LINGO2: variants seen among roughly 807,000 people sequenced by gnomAD.
The protein encoded by LINGO2 is leucine-rich repeat and immunoglobulin-like domain-containing nogo receptor-interacting protein 2.
LINGO2 carries 14 observed loss-of-function variants against 30.6 expected under a neutral mutation model. The observed-to-expected ratio is 0.46, with a 90% CI of 0.30 to 0.72. The LOEUF (loss-of-function observed/expected upper bound fraction) is 0.72, where lower values mean the gene tolerates loss of function less well. Among genes scored for constraint, LINGO2 ranks in the 30% least tolerant of loss-of-function variants. LINGO2 has a pLI of 0.07. For synonymous variants in LINGO2, 317 were observed against 288.5 expected (o/e 1.10, Z -1.00); for missense variants, 729 against 751.7 (o/e 0.97, Z 0.35).
chr9:28,189,649 GAGGAAGGA>G (rs1453477227), intron 4 of LINGO2, among the ~76,000 whole-genome samples: 1 of 5,268 alleles, frequency 1.9e-4, no homozygotes, highest in Non-Finnish European at 4.2e-4. Context: ...GGAAGGGAGG[GAGGAAGGA>G]AGGAAGGAAG....
the LINGO2 span, among the ~76,000 whole-genome samples, chr9:28,704,807 T>G: frequency 1.3e-5 from 2 of 152,120 alleles, no homozygotes; most frequent in Admixed American, 6.6e-5. Flanking sequence ...TTCTTGCATA[T>G]TGTCTTAATG....
chr9:29,101,792 T>G, the LINGO2 span, among the ~76,000 whole-genome samples: 1 of 152,202 alleles, frequency 6.6e-6, no homozygotes, highest in Non-Finnish European at 1.5e-5. Flanking sequence ...GTGCCACATT[T>G]TCTTTATCCA....
chr9:29,145,719 A>G, the LINGO2 span, among the ~76,000 whole-genome samples: 3 of 152,174 alleles, frequency 2.0e-5, no homozygotes, highest in Admixed American at 1.3e-4. Context: ...TTTAATATAA[A>G]GAGTAAGCAT....
intron 4 of LINGO2, among the ~76,000 whole-genome samples, chr9:28,190,580 C>G (rs932438187): frequency 2.0e-5 from 3 of 152,162 alleles, no homozygotes; most frequent in Non-Finnish European, 4.4e-5. Context: ...AGAGGACAGT[C>G]ATCTATGAAT....
At chr9:29,098,121 G>A in the LINGO2 span, among the ~76,000 whole-genome samples, 1 of 152,098 alleles carries the variant, frequency 6.6e-6, no homozygotes, top group Non-Finnish European at 1.5e-5. Flanking sequence ...TAGCATAGTT[G>A]CAGGGTACAA....
intron 4 of LINGO2, among the ~76,000 whole-genome samples, chr9:28,046,480 C>T (rs980226390): frequency 3.3e-5 from 5 of 152,144 alleles, no homozygotes; most frequent in African/African-American, 7.2e-5. Flanking sequence ...CTTTAAGAAC[C>T]TATAATTTAA....
At chr9:28,848,403 A>ACTG in the LINGO2 span, among the ~76,000 whole-genome samples, 1 of 62,164 alleles carries the variant, frequency 1.6e-5, no homozygotes, top group African/African-American at 5.3e-5. Context: ...GTGTGTATAT[A>ACTG]TATATATATA....
the LINGO2 span, among the ~76,000 whole-genome samples, chr9:28,779,989 T>G: frequency 6.6e-6 from 1 of 152,220 alleles, no homozygotes; most frequent in South Asian, 2.1e-4. Flanking sequence ...TCTACACCAC[T>G]AAAGTTAAAA....
chr9:28,341,065 A>G (rs1825750115), intron 3 of LINGO2, among the ~76,000 whole-genome samples: 1 of 152,120 alleles, frequency 6.6e-6, no homozygotes, highest in Admixed American at 6.6e-5. Flanking sequence ...GTTTTTCTTT[A>G]CATACTGTTA....
At chr9:28,904,263 T>C in the LINGO2 span, among the ~76,000 whole-genome samples, 85 of 151,998 alleles carry the variant, frequency 5.6e-4, 1 homozygote, top group African/African-American at 2.0e-3. Flanking sequence ...AACATAACAC[T>C]TAATGTTGAA....
chr9:28,581,608 T>G (rs909119316), intron 1 of LINGO2, among the ~76,000 whole-genome samples: 2 of 151,730 alleles, frequency 1.3e-5, no homozygotes, highest in Non-Finnish European at 2.9e-5. Context: ...GTCAATTATT[T>G]ATGTCATTTC....
Position 28,148,004 on chromosome 9 carries a change from A to G in LINGO2, c.-86-135599T>C, listed in dbSNP as rs1827864387. Among the ~76,000 whole-genome samples, 1 of 152,098 alleles carries G rather than the reference A, an allele frequency of 6.6e-6. No homozygotes were observed. Among genetic ancestry groups the G allele is most frequent in the Admixed American group, 6.5e-5 (1 of 15,278 alleles). The stretch of plus-strand genomic sequence containing the variant: ...ACTCAAAATGGGCAACTCATTAAGC[A>G]TATTTTGTTCCTGGTTCCGCCACAG... On this transcript the variant is annotated intron_variant, in intron 4 of 5. Transcript: ENST00000379992. This position sits in a 1 kb window ranked among gnomAD's most constrained non-coding sequence, Gnocchi z 5.1.
At chr9:28,927,912 A>C in the LINGO2 span, among the ~76,000 whole-genome samples, 4 of 152,194 alleles carry the variant, frequency 2.6e-5, no homozygotes, top group Admixed American at 6.5e-5. Context: ...ATTCAGAGAC[A>C]AGCAGCCCAG....
chr9:28,624,274 GT>G (rs1563872148), intron 1 of LINGO2, among the ~76,000 whole-genome samples: 2 of 151,934 alleles, frequency 1.3e-5, no homozygotes, highest in African/African-American at 2.4e-5. Context: ...AAAGCTTTTA[GT>G]TTTTACCCAT....
Position 28,094,666 on chromosome 9 carries a change from A to G in LINGO2, c.-86-82261T>C, listed in dbSNP as rs904472424. ...AAAGGTGAACATAGACTTTTTTTCC[A>G]TTGAGCAAATACTAGTGTACTTAAT... On this transcript the variant is annotated intron_variant, in intron 4 of 5. Coordinates refer to ENST00000379992, the Ensembl canonical transcript of LINGO2. 4.6e-5 allele frequency among the ~76,000 whole-genome samples: 7 copies of G among 152,062 alleles called. No individual in the cohort carries two copies. In the East Asian group the frequency reaches 1.3e-3, roughly 29 times the overall value.
rs559195638 is a variant in LINGO2 at position 27,962,111 on chromosome 9, A to G, written c.-35-11405T>C. On this transcript the variant is annotated intron_variant, in intron 5 of 5. Coordinates refer to ENST00000379992, the Ensembl canonical transcript of LINGO2. ...GGTAGGGCAGGGAAATAGATTTTCA[A>G]TTATAATCAGATGACTATGTCCAAC... Among the ~76,000 whole-genome samples, 7 of 152,280 alleles carry G rather than the reference A, an allele frequency of 4.6e-5. No individual in the cohort carries two copies. In the South Asian group the frequency reaches 1.5e-3, roughly 32 times the overall value.
the LINGO2 span, among the ~76,000 whole-genome samples, chr9:29,026,439 A>G: frequency 1.3e-5 from 2 of 152,188 alleles, no homozygotes; most frequent in African/African-American, 2.4e-5. Context: ...AGTTCATACA[A>G]TTTTCATTCT....
intron 1 of LINGO2, among the ~76,000 whole-genome samples, chr9:28,592,335 T>C (rs559987422): frequency 1.3e-5 from 2 of 152,204 alleles, no homozygotes; most frequent in East Asian, 3.9e-4. Flanking sequence ...GCAATCTAAC[T>C]AACTTAAATA....
chr9:28,787,894 C>T, the LINGO2 span, among the ~76,000 whole-genome samples: 1 of 152,116 alleles, frequency 6.6e-6, no homozygotes, highest in Admixed American at 6.5e-5. Context: ...TTCTTCAACA[C>T]ATTTTCTCTT....
Sources: gnomAD v4.1 joint callset for allele counts (sites outside exome capture counted in the v4.1 genomes callset) on GRCh38, gnomAD v4.1.1 for gene constraint, Gnocchi (gnomAD v3.1) non-coding constraint, MANE v1.5 for transcripts, NCBI Gene and HGNC (gene_info 2026-07-23, HGNC 2026-07-21) for gene names.